The following DOCK3 variants were observed in gnomAD, a reference collection of about 807,000 sequenced individuals.
DOCK3 encodes dedicator of cytokinesis protein 3.
Under a neutral mutation model 265.6 loss-of-function variants are expected in DOCK3, and 60 were observed. That is an observed-to-expected ratio of 0.23 (90% confidence interval 0.18 to 0.28). The LOEUF is 0.28. DOCK3 is among the 10% of genes least tolerant of loss of function. DOCK3 has a pLI of 1.00. For synonymous variants in DOCK3, 881 were observed against 938.0 expected (o/e 0.94, Z 1.11); for missense variants, 1,981 against 2,594.3 (o/e 0.76, Z 5.14).
At chr3:51,312,928 C>G (rs375640031) in intron 31 of DOCK3, 26 bp downstream of exon 31, 5 of 1,581,956 alleles carry the variant, frequency 3.2e-6, no homozygotes, top group Non-Finnish European at 3.4e-6. Flanking sequence ...CTATTCTTCC[C>G]TTCTATATAT....
chr3:51,034,951 A>G (rs1009373111), intron 5 of DOCK3, among the ~76,000 whole-genome samples: 4 of 152,040 alleles, frequency 2.6e-5, no homozygotes, highest in African/African-American at 7.2e-5. Context: ...ATCAGTGATC[A>G]TGTTCTGCTC....
intron 27 of DOCK3, among the ~76,000 whole-genome samples, chr3:51,302,278 C>T (rs1395078252): frequency 6.6e-6 from 1 of 152,046 alleles, no homozygotes; most frequent in South Asian, 2.1e-4. Context: ...TCCATTTGCT[C>T]GGTAAATTTT....
At chr3:51,145,498 T>C (rs907447936) in intron 9 of DOCK3, among the ~76,000 whole-genome samples, 1 of 152,208 alleles carries the variant, frequency 6.6e-6, no homozygotes, top group Non-Finnish European at 1.5e-5. Flanking sequence ...AGCAAGCTTG[T>C]CCAACCTGTG....
At chr3:51,043,033 G>A (rs907923596) in intron 5 of DOCK3, among the ~76,000 whole-genome samples, 1 of 152,136 alleles carries the variant, frequency 6.6e-6, no homozygotes, top group Non-Finnish European at 1.5e-5. Flanking sequence ...AGCAACTATA[G>A]ATTCAATGCT....
intron 24 of DOCK3, among the ~76,000 whole-genome samples, chr3:51,274,143 T>A (rs10433609): frequency 0.79 from 120,057 of 152,186 alleles, 47,838 homozygotes; most frequent in Middle Eastern, 0.87. Context: ...GGAGAAATCA[T>A]TTGAAGTGTT....
intron 6 of DOCK3, among the ~76,000 whole-genome samples, chr3:51,067,644 CT>C (rs1358608406): frequency 1.3e-5 from 2 of 151,604 alleles, no homozygotes; most frequent in Non-Finnish European, 2.9e-5. Flanking sequence ...CCCTCTCTTC[CT>C]TTTTTTCTTA....
At chr3:50,831,183 T>TG (rs1220485184) in intron 2 of DOCK3, among the ~76,000 whole-genome samples, 31 of 106,094 alleles carry the variant, frequency 2.9e-4, no homozygotes, top group Non-Finnish European at 4.6e-4. Flanking sequence ...TACTGCAACC[T>TG]GTTTTATTTA....
intron 32 of DOCK3, among the ~76,000 whole-genome samples, chr3:51,329,826 A>T (rs2084399335): frequency 6.6e-6 from 1 of 152,176 alleles, no homozygotes; most frequent in African/African-American, 2.4e-5. Context: ...ACATCTGAAA[A>T]AGGCCTCTTT....
chr3:51,166,422 G>T (rs181075472), intron 12 of DOCK3, among the ~76,000 whole-genome samples: 1 of 152,236 alleles, frequency 6.6e-6, no homozygotes, highest in Non-Finnish European at 1.5e-5. Flanking sequence ...ATATAATACT[G>T]CAATAAACCT....
chr3:50,730,566 G>A lies in DOCK3; in HGVS notation c.38-48109G>A, dbSNP rs192294320. Among the ~76,000 whole-genome samples, 8 of 152,306 alleles carry A rather than the reference G, an allele frequency of 5.3e-5. No individual in the cohort carries two copies. In the East Asian group the frequency reaches 1.5e-3, roughly 29 times the overall value. ...AAATTGTCCAGGTGTGGTGGCTCAT[G>A]CCTGTAATTGCAGCGCTTTGGGAGG... On this transcript the variant is annotated intron_variant, in intron 1 of 52. Coordinates refer to ENST00000266037, the MANE Select transcript of DOCK3 (RefSeq NM_004947.5).
chr3:50,889,066 GGTGTGTGTGT>G (rs36180907), intron 3 of DOCK3, among the ~76,000 whole-genome samples: 2,793 of 134,252 alleles, frequency 0.021, 104 homozygotes, highest in African/African-American at 0.072. Context: ...TTAAGCCATG[GGTGTGTGTGT>G]GTGTGTGTGT....
At chr3:51,283,927 T>C (rs2081277183) in intron 27 of DOCK3, among the ~76,000 whole-genome samples, 1 of 152,222 alleles carries the variant, frequency 6.6e-6, no homozygotes, top group African/African-American at 2.4e-5. Flanking sequence ...GTTCCTCTGT[T>C]TCTCCCTGGA....
At chr3:50,768,467 A>T (rs1367460929) in intron 1 of DOCK3, among the ~76,000 whole-genome samples, 2 of 152,200 alleles carry the variant, frequency 1.3e-5, no homozygotes, top group Non-Finnish European at 2.9e-5. Flanking sequence ...CAAAAAGCTT[A>T]TCCACCATGA....
chr3:51,283,902 G>A (rs1182272631), intron 27 of DOCK3, among the ~76,000 whole-genome samples: 1 of 152,148 alleles, frequency 6.6e-6, no homozygotes, highest in Non-Finnish European at 1.5e-5. Flanking sequence ...TGCAGAGAAG[G>A]GGCTTGAAAA....
At chr3:51,298,662 A>G (rs536918544) in intron 27 of DOCK3, among the ~76,000 whole-genome samples, 31 of 152,158 alleles carry the variant, frequency 2.0e-4, no homozygotes, top group African/African-American at 7.5e-4. Flanking sequence ...AACATACAGT[A>G]TTTGGTTTTC....
At chr3:51,282,254 C>A (rs963856595) in intron 27 of DOCK3, among the ~76,000 whole-genome samples, 6 of 152,106 alleles carry the variant, frequency 3.9e-5, no homozygotes, top group African/African-American at 1.4e-4. Flanking sequence ...TATAATTATG[C>A]CATAAAATTC....
At chr3:51,230,281 C>G (rs895398607) in intron 19 of DOCK3, among the ~76,000 whole-genome samples, 2 of 152,134 alleles carry the variant, frequency 1.3e-5, no homozygotes, top group Admixed American at 1.3e-4. Context: ...TCCCTCCCCA[C>G]TCTAGTAGTC....
At chr3:51,323,179 A>G (rs9853420) in intron 32 of DOCK3, among the ~76,000 whole-genome samples, 1 of 152,172 alleles carries the variant, frequency 6.6e-6, no homozygotes, top group African/African-American at 2.4e-5. Flanking sequence ...ATATGCACCC[A>G]ATACAGGAGC....
intron 32 of DOCK3, among the ~76,000 whole-genome samples, chr3:51,316,631 CTGTT>C (rs1392864305): frequency 2.0e-5 from 3 of 152,182 alleles, no homozygotes; most frequent in Admixed American, 2.0e-4. Context: ...TTAGTATTAT[CTGTT>C]CGTTTGTTTT....
Sources: allele counts gnomAD v4.1 joint callset (sites outside exome capture counted in the v4.1 genomes callset), GRCh38; gene constraint gnomAD v4.1.1; transcripts MANE v1.5; gene names NCBI Gene and HGNC (gene_info 2026-07-23, HGNC 2026-07-21).